Variants in SEC24D observed in about 807,000 individuals in gnomAD.
SEC24D encodes SEC24 homolog D, COPII component.
A neutral mutation model predicts 116.9 loss-of-function variants in SEC24D; 69 were observed. The observed-to-expected ratio is 0.59, with a 90% CI of 0.49 to 0.72. SEC24D has a LOEUF of 0.72. Ranked by LOEUF, SEC24D falls within the 30% of genes least tolerant of loss-of-function variation. The pLI is 0.00. For missense variants in SEC24D, 1,131 were observed against 1,264.1 expected, an observed-to-expected ratio of 0.89 and a Z score of 1.60; for synonymous variants, 405 against 442.8, an observed-to-expected ratio of 0.91 and a Z score of 1.07.
At chr4:118,833,508 T>C in intron 2 of SEC24D, 71 bp downstream of exon 2, 1 of 1,037,070 alleles carries the variant, frequency 9.6e-7, no homozygotes, top group East Asian at 2.5e-5. Flanking sequence ...AAATCTCCTC[T>C]TTCAGAACAT....
intron 8 of SEC24D, among the ~76,000 whole-genome samples, chr4:118,793,542 G>T (rs1023707713): frequency 1.3e-5 from 2 of 150,686 alleles, no homozygotes; most frequent in Non-Finnish European, 2.9e-5. Context: ...GCTAGCTGGT[G>T]TAGTAGAGCA....
At chr4:118,785,186 A>T (rs1435468457) in intron 8 of SEC24D, among the ~76,000 whole-genome samples, 1 of 152,208 alleles carries the variant, frequency 6.6e-6, no homozygotes, top group Non-Finnish European at 1.5e-5. Flanking sequence ...GAATACAACA[A>T]GCTCAATAAA....
intron 6 of SEC24D, among the ~76,000 whole-genome samples, chr4:118,811,540 C>T (rs1258202188): frequency 2.6e-5 from 4 of 152,186 alleles, no homozygotes; most frequent in African/African-American, 9.7e-5. Flanking sequence ...CATAATGTGG[C>T]TGGGCTTAAT....
chr4:118,767,840 GT>G (rs1263585968), intron 9 of SEC24D, among the ~76,000 whole-genome samples: 1 of 152,148 alleles, frequency 6.6e-6, no homozygotes, highest in African/African-American at 2.4e-5. Flanking sequence ...AGTCTCCCAA[GT>G]TTATCATCTG....
intron 8 of SEC24D, among the ~76,000 whole-genome samples, chr4:118,795,910 T>C (rs990893535): frequency 2.4e-4 from 36 of 152,390 alleles, no homozygotes; most frequent in Middle Eastern, 6.8e-3. Flanking sequence ...ATGTACATTT[T>C]ATTGTAAATG....
Position 118,810,142 on chromosome 4 carries a change from G to C in SEC24D, c.802-4188C>G, listed in dbSNP as rs542586231. On this transcript the variant is annotated intron_variant, in intron 6 of 22. Coordinates refer to ENST00000280551, the MANE Select transcript of SEC24D (RefSeq NM_014822.4). Reference sequence around the variant, plus strand: ...TGTGTGTGTGTGTGTGTGTGTCAGAGGGTATAGGGGAGCCAGGGGTGGCAA... The same window carrying C: ...TGTGTGTGTGTGTGTGTGTGTCAGACGGTATAGGGGAGCCAGGGGTGGCAA... Among the ~76,000 whole-genome samples the C allele has an allele frequency of 2.9e-3, 438 of 149,542 alleles. 7 individuals are homozygous for C. The highest frequency in any genetic ancestry group is 1.0e-2 in the African/African-American group (405 of 40,550).
intron 11 of SEC24D, among the ~76,000 whole-genome samples, chr4:118,755,914 T>C (rs1257193611): frequency 6.6e-6 from 1 of 151,954 alleles, no homozygotes; most frequent in Non-Finnish European, 1.5e-5. Flanking sequence ...TTTTATTTTT[T>C]CCTCCTATCT....
chr4:118,723,316 T>C lies in SEC24D; in HGVS notation c.*199A>G. The C allele has an allele frequency of 2.1e-6, 1 of 485,506 alleles. No homozygotes were observed. Among genetic ancestry groups the C allele is most frequent in the South Asian group, 4.1e-5 (1 of 24,356 alleles). The allele number at this position is 485,506 out of a possible 1,614,324, so 30.1% of individuals were successfully genotyped here. A position where few individuals can be genotyped will look rare whatever the true frequency, so the allele number is the denominator to read the frequency against. On this transcript the variant is annotated 3_prime_UTR_variant, in exon 23 of 23. Transcript: ENST00000280551. ...AACTGTGCAATCAGAAACAGATTGT[T>C]CCCTTTATGGTACAATTGTACCTTA...
chr4:118,734,160 G>GAT (rs374071043), intron 19 of SEC24D, among the ~76,000 whole-genome samples: 1 of 149,926 alleles, frequency 6.7e-6, no homozygotes, highest in African/African-American at 2.5e-5. Context: ...CTTGCAAACA[G>GAT]ATAAATGAAA....
intron 7 of SEC24D, 129 bp from the exon 8 acceptor site, chr4:118,797,939 G>T: frequency 1.4e-6 from 1 of 697,720 alleles, no homozygotes; most frequent in Non-Finnish European, 2.1e-6. Flanking sequence ...CTCTCTTCAT[G>T]ATTTGTTTTT....
chr4:118,741,110 C>T, intron 15 of SEC24D, 73 bp from the exon 16 acceptor site: 1 of 703,136 alleles, frequency 1.4e-6, no homozygotes, highest in South Asian at 2.3e-5. Context: ...TCATTTTAAT[C>T]CTGAGTTATA....
chr4:118,738,231 T>C (rs766374758), intron 19 of SEC24D, 30 bp downstream of exon 19: 1 of 1,435,360 alleles, frequency 7.0e-7, no homozygotes, highest in Non-Finnish European at 9.8e-7. Context: ...TTTGTAACAC[T>C]TTAACATCTA....
In SEC24D at chr4:118,765,542, A is replaced by G. The variant is rs1221429814; in HGVS notation, c.1181-625T>C. Among the ~76,000 whole-genome samples the G allele has an allele frequency of 4.6e-5, 7 of 152,232 alleles. No individual in the cohort carries two copies. In the East Asian group the frequency reaches 1.3e-3, roughly 29 times the overall value. On this transcript the variant is annotated intron_variant, in intron 9 of 22. Coordinates refer to ENST00000280551, the MANE Select transcript of SEC24D (RefSeq NM_014822.4). Reference sequence around the variant, plus strand: ...ATCCAATAGCACAGGAACACTTATGAGTCACATACTGAGCACTTGGACAAA... The same window carrying G: ...ATCCAATAGCACAGGAACACTTATGGGTCACATACTGAGCACTTGGACAAA...
At chr4:118,827,531 G>T (rs1376769734) in intron 2 of SEC24D, among the ~76,000 whole-genome samples, 1 of 152,162 alleles carries the variant, frequency 6.6e-6, no homozygotes, top group African/African-American at 2.4e-5. Flanking sequence ...ATCCCTTTCT[G>T]ACTTTTCTAT....
At chr4:118,788,580 A>C (rs1293765033) in intron 8 of SEC24D, among the ~76,000 whole-genome samples, 1 of 152,228 alleles carries the variant, frequency 6.6e-6, no homozygotes, top group African/African-American at 2.4e-5. Context: ...AAACTGAGTT[A>C]ATTCTCCCAC....
In SEC24D at chr4:118,780,907, CTTTTT is replaced by C. The variant is rs143712578; in HGVS notation, c.1042-12601_1042-12597del. ...TCAGAGACTAGGATTGCAACCCCTG[CTTTTT>C]TTTTTTTTTTTTTTTTTTTTGCTTT... On this transcript the variant is annotated intron_variant, in intron 8 of 22. Transcript: ENST00000280551. Among the ~76,000 whole-genome samples the C allele has an allele frequency of 9.7e-3, 600 of 61,808 alleles. 4 individuals carry two copies. The highest frequency in any genetic ancestry group is 0.034 in the African/African-American group (562 of 16,420). 40.5% of individuals were successfully genotyped at this position (61,808 alleles called of 152,430 possible). A position where few individuals can be genotyped will look rare whatever the true frequency, so the allele number is the denominator to read the frequency against.
At chr4:118,832,406 G>T (rs1730898411) in intron 2 of SEC24D, among the ~76,000 whole-genome samples, 1 of 152,132 alleles carries the variant, frequency 6.6e-6, no homozygotes, top group Non-Finnish European at 1.5e-5. Flanking sequence ...GTGTGGATGG[G>T]GTGGCAAACT....
chr4:118,803,506 T>A (rs144387437), intron 7 of SEC24D, among the ~76,000 whole-genome samples: 1 of 152,216 alleles, frequency 6.6e-6, no homozygotes, highest in African/African-American at 2.4e-5. Context: ...GGGTCAGTTA[T>A]CTGGTTGGTG....
Position 118,811,437 on chromosome 4 carries a change from G to A in SEC24D, c.801+3591C>T, listed in dbSNP as rs1729917640. On this transcript the variant is annotated intron_variant, in intron 6 of 22. Coordinates refer to ENST00000280551, the MANE Select transcript of SEC24D (RefSeq NM_014822.4). ...ATTTTTGGGACAAACACCAGTCTAA[G>A]TCTAAATGGTGCTATGAAAGTATTT... 3.3e-5 allele frequency among the ~76,000 whole-genome samples: 5 copies of A among 152,236 alleles called. No individual in the cohort carries two copies. In the South Asian group the frequency reaches 1.0e-3, roughly 31 times the overall value.
Sources: allele counts gnomAD v4.1 joint callset (sites outside exome capture counted in the v4.1 genomes callset), GRCh38; gene constraint gnomAD v4.1.1; transcripts MANE v1.5; gene names NCBI Gene and HGNC (gene_info 2026-07-23, HGNC 2026-07-21).